The following CDON variants were observed in gnomAD, a reference collection of about 807,000 sequenced individuals.
CDON encodes the protein cell adhesion associated, oncogene regulated.
CDON carries 73 observed loss-of-function variants against 120.9 expected under a neutral mutation model. The observed-to-expected ratio is 0.60, with a 90% confidence interval of 0.50 to 0.73. The LOEUF is 0.73. Ranked by LOEUF, CDON falls within the 30% of genes least tolerant of loss-of-function variation. CDON has a pLI of 0.00. For synonymous variants in CDON, 566 were observed against 573.5 expected (o/e 0.99, Z 0.19); for missense variants, 1,470 against 1,587.3 (o/e 0.93, Z 1.26).
Position 125,960,152 on chromosome 11 carries a change from C to G in CDON, c.*790G>C, listed in dbSNP as rs1275278335. The G allele has an allele frequency of 6.6e-6, 1 of 152,226 alleles. No homozygotes were observed. Among genetic ancestry groups the G allele is most frequent in the East Asian group, 1.9e-4 (1 of 5,192 alleles). The allele number at this position is 152,226 out of a possible 1,614,324, so 9.4% of individuals were successfully genotyped here. ...CTCTTGTAAAATCCGTCAGCCAGGT[C>G]TGTTATTATAAACATGGGTCACAAC... On this transcript the variant is annotated 3_prime_UTR_variant, in exon 20 of 20. Transcript: ENST00000531738.
intron 1 of CDON, among the ~76,000 whole-genome samples, chr11:126,030,140 TGCCAA>T (rs1367350185): frequency 6.6e-6 from 1 of 152,202 alleles, no homozygotes; most frequent in Non-Finnish European, 1.5e-5. Flanking sequence ...TTATATGCCA[TGCCAA>T]GCTTAGAGCA....
At position 125,961,880 on chromosome 11, in the gene CDON, C is replaced by A. The variant is rs780737060; in HGVS notation, c.3475G>T (p.Val1159Leu). 6.2e-7 allele frequency: 1 copy of A among 1,614,222 alleles called. No homozygotes were observed. Among genetic ancestry groups the A allele is most frequent in the Admixed American group, 1.7e-5 (1 of 60,032 alleles). ...MKPLSHVKVP[V>L]CLTSAVPDCG... ...TCAGGGACTGCGGAAGTCAGGCATA[C>A]AGGCACCTTCACGTGACTGAGGGGC... The change falls in exon 19 of 20, where the codon GTA (valine) becomes TTA (leucine). Residue 1159 changes from valine to leucine, a missense_variant. Transcript: ENST00000531738.
chr11:126,048,332 T>C (rs1948460932), intron 1 of CDON, among the ~76,000 whole-genome samples: 1 of 149,910 alleles, frequency 6.7e-6, no homozygotes, highest in Non-Finnish European at 1.5e-5. Context: ...GACTCAACAG[T>C]GTAGACTAAT....
At position 126,017,160 on chromosome 11, in the gene CDON, C is replaced by G; in HGVS notation, c.856G>C (p.Gly286Arg). ...TTTCCCGCCATGCAGGAATAGTTTC[C>G]GGAGTCCGCCGGGTCAACGCTATCA... ...ATDSVDPADSGNYSCMAGNKS... is the reference protein window; with the variant it reads ...ATDSVDPADSRNYSCMAGNKS... The change falls in exon 6 of 20, where the codon GGA becomes CGA. Residue 286 changes from glycine (G) to arginine (R), a missense_variant. Transcript: ENST00000531738. 1.2e-6 allele frequency: 2 copies of G among 1,614,090 alleles called. No individual in the cohort carries two copies. Among genetic ancestry groups the G allele is most frequent in the Non-Finnish European group, 1.7e-6 (2 of 1,179,996 alleles).
chr11:126,004,197 A>C (rs902436996), intron 9 of CDON, 121 bp from the exon 10 acceptor site: 2 of 951,660 alleles, frequency 2.1e-6, no homozygotes, highest in Non-Finnish European at 3.2e-6. Context: ...GAAGTAATAC[A>C]GCATGGTAAG....
intron 8 of CDON, among the ~76,000 whole-genome samples, chr11:126,008,477 G>A (rs1036012112): frequency 6.6e-6 from 1 of 152,090 alleles, no homozygotes; most frequent in Non-Finnish European, 1.5e-5. Flanking sequence ...AGTATTTATC[G>A]AGACATAAAA....
intron 18 of CDON, among the ~76,000 whole-genome samples, chr11:125,968,505 G>A (rs1046094083): frequency 2.0e-5 from 3 of 152,168 alleles, no homozygotes; most frequent in African/African-American, 7.2e-5. Flanking sequence ...AGGTTTTATG[G>A]GGAGCTAACA....
At chr11:126,055,240 T>C (rs780914228) in intron 1 of CDON, among the ~76,000 whole-genome samples, 1 of 152,078 alleles carries the variant, frequency 6.6e-6, no homozygotes, top group Non-Finnish European at 1.5e-5. Context: ...ATCTCCTCTG[T>C]CCCTCTCCCA....
At position 125,967,403 on chromosome 11, in the gene CDON, T is replaced by C. The variant is rs151234913; in HGVS notation, c.3357-5405A>G. Reference sequence around the variant, plus strand: ...TTAATGATAGTTATTTCTGTCCTAGTTCAATATTGATTCTGTGATCTGTAA... The same window carrying C: ...TTAATGATAGTTATTTCTGTCCTAGCTCAATATTGATTCTGTGATCTGTAA... On this transcript the variant is annotated intron_variant, in intron 18 of 19. Transcript: ENST00000531738. 4.4e-3 allele frequency among the ~76,000 whole-genome samples: 665 copies of C among 152,294 alleles called. 2 individuals are homozygous for C. The highest frequency in any genetic ancestry group is 7.3e-3 in the Non-Finnish European group (498 of 68,032).
rs139263823 is a variant in CDON at position 125,994,998 on chromosome 11, C to T, written c.2417G>A (p.Arg806Gln). ...TTGATAAGGACGAGATGCTGAACTC[C>T]GAAAACTCTCACCATAATGGTTGAT... Reference protein sequence around the residue: ...IAINHYGESFRSSASRPYQVV... With the variant: ...IAINHYGESFQSSASRPYQVV... Residue 806 changes from arginine to glutamine, a missense_variant, in exon 13 of 20, where the codon CGG (arginine) becomes CAG (glutamine). Arg to Gln is a conservative substitution (Grantham distance 43). Coordinates refer to ENST00000531738, the MANE Select transcript of CDON (RefSeq NM_001378964.1). 5.1e-5 allele frequency: 82 copies of T among 1,613,914 alleles called. No homozygotes were observed. The highest frequency in any genetic ancestry group is 5.3e-5 in the African/African-American group (4 of 74,908).
Position 125,994,287 on chromosome 11 carries a change from C to G in CDON, c.2647G>C (p.Glu883Gln), listed in dbSNP as rs1237908924. 9.6e-6 allele frequency: 15 copies of G among 1,564,536 alleles called. No homozygotes were observed. The highest frequency in any genetic ancestry group is 1.3e-5 in the Non-Finnish European group (15 of 1,135,412). The change falls in exon 14 of 20, where the codon GAA (glutamate) becomes CAA (glutamine). Residue 883 changes from glutamate (E) to glutamine (Q), a missense_variant. Physicochemically the swap from Glu to Gln is conservative, Grantham distance 29. Coordinates refer to ENST00000531738, the MANE Select transcript of CDON (RefSeq NM_001378964.1). The part of the protein sequence containing the change: ...NDSDYKRDVV[E>Q]GSKQWHMIGH... The stretch of plus-strand genomic sequence containing the variant: ...TCCAGTGTGCCAGGGGACTTACCTT[C>G]TACAACATCCCTCTTGTAATCACTG...
At chr11:126,033,184 G>C (rs1177823685) in intron 1 of CDON, among the ~76,000 whole-genome samples, 1 of 152,200 alleles carries the variant, frequency 6.6e-6, no homozygotes, top group Non-Finnish European at 1.5e-5. Flanking sequence ...GTGAGTGGAT[G>C]ATGTGCATTT....
intron 1 of CDON, among the ~76,000 whole-genome samples, chr11:126,029,397 C>T (rs183555550): frequency 3.3e-5 from 5 of 152,164 alleles, no homozygotes; most frequent in East Asian, 1.9e-4. Flanking sequence ...GTCATTACAC[C>T]GTGTGGTTTT....
chr11:125,972,202 G>C (rs1357357672), intron 18 of CDON, among the ~76,000 whole-genome samples: 1 of 152,144 alleles, frequency 6.6e-6, no homozygotes, highest in Non-Finnish European at 1.5e-5. Flanking sequence ...GAGGCGGGCA[G>C]ATCACATGAG....
intron 19 of CDON, 89 bp from the exon 20 acceptor site, chr11:125,961,194 A>T: frequency 8.3e-7 from 1 of 1,198,652 alleles, no homozygotes; most frequent in Non-Finnish European, 1.2e-6. Flanking sequence ...ACTTTGAGCC[A>T]AGAAGAAAGA....
At chr11:125,995,118 A>C in intron 12 of CDON, 66 bp from the exon 13 acceptor site, 1 of 1,378,990 alleles carries the variant, frequency 7.3e-7, no homozygotes, top group Non-Finnish European at 1.0e-6. Context: ...AGCTATAATA[A>C]GACAACTAAA....
At chr11:125,997,183 A>T (rs1946814170) in intron 12 of CDON, 24 bp downstream of exon 12, 2 of 1,537,752 alleles carry the variant, frequency 1.3e-6, no homozygotes, top group Non-Finnish European at 9.0e-7. Flanking sequence ...TCGATGGTAA[A>T]AGGAAACGTT....
chr11:126,043,589 A>T (rs1460837220), intron 1 of CDON, among the ~76,000 whole-genome samples: 1 of 152,208 alleles, frequency 6.6e-6, no homozygotes, highest in East Asian at 1.9e-4. Context: ...TCCATTTTAC[A>T]AATGAGAAAA....
rs1182235163 is a variant in CDON, at chr11:125,997,225, C to T, written c.2344G>A (p.Val782Ile). 4.3e-6 allele frequency: 7 copies of T among 1,613,416 alleles called. No individual in the cohort carries two copies. The highest frequency in any genetic ancestry group is 1.3e-5 in the African/African-American group (1 of 74,918). ...DIPPSKLSVE[V>I]RSLEPGSTYK... is the part of the protein sequence containing the mutation. ...TTACTACCTGGTTCTAAACTACGAA[C>T]TTCCACTGAAAGTTTGGAAGGAGGG... Residue 782 changes from valine (V) to isoleucine (I), a missense_variant, in exon 12 of 20, where the codon GTT becomes ATT. Coordinates refer to ENST00000531738, the MANE Select transcript of CDON (RefSeq NM_001378964.1).
Sources: allele counts gnomAD v4.1 joint callset (sites outside exome capture counted in the v4.1 genomes callset), GRCh38; gene constraint gnomAD v4.1.1; transcripts MANE v1.5; gene names NCBI Gene and HGNC (gene_info 2026-07-23, HGNC 2026-07-21).